PTPRT: variants seen among roughly 807,000 people sequenced by gnomAD.
PTPRT encodes the protein protein tyrosine phosphatase receptor type T, also known as receptor-type tyrosine-protein phosphatase T.
PTPRT carries 56 observed loss-of-function variants against 176.8 expected under a neutral mutation model. The observed-to-expected ratio is 0.32, with a 90% CI of 0.26 to 0.40. The LOEUF is 0.40. Among genes scored for constraint, PTPRT ranks in the 10% least tolerant of loss-of-function variants. PTPRT has a pLI of 1.00. For synonymous variants in PTPRT, 783 were observed against 739.0 expected (o/e 1.06, Z -0.96); for missense variants, 1,540 against 1,908.2 (o/e 0.81, Z 3.60).
chr20:42,671,148 G>C (rs1298863189), intron 7 of PTPRT, among the ~76,000 whole-genome samples: 3 of 152,096 alleles, frequency 2.0e-5, no homozygotes, highest in African/African-American at 7.2e-5. Context: ...ACTGACCTCG[G>C]CATCCACTGC....
intron 1 of PTPRT, among the ~76,000 whole-genome samples, chr20:42,990,326 T>A (rs558264550): frequency 1.4e-4 from 22 of 152,320 alleles, no homozygotes; most frequent in African/African-American, 5.3e-4. Flanking sequence ...AGATACTGCA[T>A]TGAGGATTTG....
chr20:42,212,493 C>T (rs1274364998), intron 15 of PTPRT, among the ~76,000 whole-genome samples: 1 of 150,062 alleles, frequency 6.7e-6, no homozygotes, highest in Non-Finnish European at 1.5e-5. Context: ...GGAGAATGCA[C>T]TGTTTTCCCT....
At chr20:43,181,428 C>T (rs549956346) in intron 1 of PTPRT, among the ~76,000 whole-genome samples, 10 of 152,210 alleles carry the variant, frequency 6.6e-5, no homozygotes, top group Admixed American at 2.6e-4. Flanking sequence ...CATGGACAGC[C>T]GGGACCTGAC....
chr20:42,189,959 T>G (rs1484485938), intron 16 of PTPRT, among the ~76,000 whole-genome samples: 1 of 152,238 alleles, frequency 6.6e-6, no homozygotes, highest in Non-Finnish European at 1.5e-5. Flanking sequence ...TTCTCAAGGC[T>G]GCCTAAATTT....
chr20:42,881,527 C>A (rs2079009404), intron 2 of PTPRT, among the ~76,000 whole-genome samples: 1 of 151,934 alleles, frequency 6.6e-6, no homozygotes, highest in Non-Finnish European at 1.5e-5. Context: ...GAGGTCGAGA[C>A]CAGCCTGGTC....
chr20:42,885,756 G>A lies in PTPRT; in HGVS notation c.214+51C>T, dbSNP rs200512424. ...GTAAGTTCTTCCCCCCATGATTCAC[G>A]GTAAAAACTAGCCATCCCCATTACA... On this transcript the variant is annotated intron_variant, in intron 2 of 30. Transcript: ENST00000373187. 8.3e-4 allele frequency: 1,301 copies of A among 1,568,264 alleles called. 2 individuals are homozygous for A. The highest frequency in any genetic ancestry group is 1.4e-3 in the South Asian group (124 of 88,954).
At chr20:42,415,424 C>T (rs2059057221) in intron 9 of PTPRT, among the ~76,000 whole-genome samples, 1 of 152,080 alleles carries the variant, frequency 6.6e-6, no homozygotes, top group South Asian at 2.1e-4. Context: ...ACTGCCCAGG[C>T]TGCTTTTGAA....
intron 3 of PTPRT, among the ~76,000 whole-genome samples, chr20:42,790,890 C>T (rs2077364851): frequency 6.6e-6 from 1 of 152,176 alleles, no homozygotes; most frequent in Non-Finnish European, 1.5e-5. Flanking sequence ...CCTCCCTCAT[C>T]ATGTCATAAG....
the PTPRT span, among the ~76,000 whole-genome samples, chr20:42,037,715 G>C: frequency 2.0e-5 from 3 of 152,178 alleles, no homozygotes; most frequent in Non-Finnish European, 4.4e-5. Flanking sequence ...CGGTGGTTGA[G>C]ATGGCTAAAC....
At position 42,780,303 on chromosome 20, in the gene PTPRT, C is replaced by T. The variant is rs1390460400; in HGVS notation, c.487-4G>A. On this transcript the variant is annotated splice_polypyrimidine_tract_variant and splice_region_variant and intron_variant, in intron 3 of 30. Transcript: ENST00000373187. ...ATGAGACGGATTCAAATATCACCTG[C>T]AACACACAGGGCGGGAGTCAATTTC... 7 of 1,612,432 alleles carry T rather than the reference C, an allele frequency of 4.3e-6. No individual in the cohort carries two copies. Among genetic ancestry groups the T allele is most frequent in the Non-Finnish European group, 5.1e-6 (6 of 1,178,650 alleles).
intron 7 of PTPRT, among the ~76,000 whole-genome samples, chr20:42,595,260 C>T (rs1412479111): frequency 6.6e-6 from 1 of 152,046 alleles, no homozygotes; most frequent in Non-Finnish European, 1.5e-5. Flanking sequence ...CCTCTTGTGC[C>T]TACTAAACCA....
At position 42,315,763 on chromosome 20, in the gene PTPRT, C is replaced by G; in HGVS notation, c.2099G>C (p.Ser700Thr). 6.2e-7 allele frequency: 1 copy of G among 1,614,112 alleles called. No homozygotes were observed. Among genetic ancestry groups the G allele is most frequent in the Non-Finnish European group, 8.5e-7 (1 of 1,180,002 alleles). ...GAGTGCCTGGAAGTAGATGCTGTAG[C>G]TTTTCAGGGGAGAGAGAGGAGGGTT... ...YWNPPLSPLKSYSIYFQALSK... is the reference protein window; with the variant it reads ...YWNPPLSPLKTYSIYFQALSK... The change falls in exon 12 of 31, where the codon AGC (serine) becomes ACC (threonine). Residue 700 changes from serine to threonine, a missense_variant. Ser to Thr is a moderately conservative substitution (Grantham distance 58). This residue lies in a region of PTPRT where 255 missense variants were observed against 250.1 expected (regional missense o/e 1.02). Transcript: ENST00000373187.
At chr20:42,884,662 T>C (rs2079075080) in intron 2 of PTPRT, among the ~76,000 whole-genome samples, 1 of 152,110 alleles carries the variant, frequency 6.6e-6, no homozygotes, top group South Asian at 2.1e-4. Flanking sequence ...GAACTCTTAA[T>C]ACTCCATGGC....
Position 42,807,885 on chromosome 20 carries a change from G to C in PTPRT, c.215-16419C>G, listed in dbSNP as rs536119713. 3.3e-3 allele frequency among the ~76,000 whole-genome samples: 496 copies of C among 152,290 alleles called. 2 individuals are homozygous for C. The highest frequency in any genetic ancestry group is 0.018 in the South Asian group (85 of 4,824). ...AATATTTTATTCTTGAAGACATCTT[G>C]CTCTAAATGGGTATGGTGCATCTGG... On this transcript the variant is annotated intron_variant, in intron 2 of 30. Transcript: ENST00000373187.
chr20:42,567,150 G>A (rs913701385), intron 7 of PTPRT, among the ~76,000 whole-genome samples: 2 of 152,000 alleles, frequency 1.3e-5, no homozygotes, highest in Admixed American at 1.3e-4. Flanking sequence ...GCAGGTGCCT[G>A]TAATCCCAGC....
At chr20:42,258,853 A>C (rs747031659) in intron 13 of PTPRT, among the ~76,000 whole-genome samples, 1 of 152,218 alleles carries the variant, frequency 6.6e-6, no homozygotes, top group Non-Finnish European at 1.5e-5. Context: ...GGGTTTTCAA[A>C]GATAGCTCTA....
Position 43,189,095 on chromosome 20 carries a change from G to T in PTPRT, c.88+551C>A, listed in dbSNP as rs879598307. Among the ~76,000 whole-genome samples, 1 of 152,158 alleles carries T rather than the reference G, an allele frequency of 6.6e-6. No individual in the cohort carries two copies. Among genetic ancestry groups the T allele is most frequent in the Admixed American group, 6.5e-5 (1 of 15,276 alleles). ...GGTCATCAACGCAAACATCCCCTCGGGTGCCTACAGCGGCCTGCTTAGGGG... is the reference window on the plus strand; with the variant it reads ...GGTCATCAACGCAAACATCCCCTCGTGTGCCTACAGCGGCCTGCTTAGGGG... On this transcript the variant is annotated intron_variant, in intron 1 of 30. Transcript: ENST00000373187. The surrounding 1 kb of genome is among the most constrained non-coding windows in gnomAD (Gnocchi z 5.0).
At chr20:43,050,383 G>A (rs1695650028) in intron 1 of PTPRT, among the ~76,000 whole-genome samples, 3 of 152,212 alleles carry the variant, frequency 2.0e-5, no homozygotes, top group African/African-American at 4.8e-5. Flanking sequence ...AAGGACAAAG[G>A]TCTGGCCAGC....
At chr20:42,248,329 C>A (rs1414635408) in intron 14 of PTPRT, among the ~76,000 whole-genome samples, 1 of 152,178 alleles carries the variant, frequency 6.6e-6, no homozygotes, top group East Asian at 1.9e-4. Context: ...TGGACTGATC[C>A]ATGTTCCTGG....
Sources: allele counts gnomAD v4.1 joint callset (sites outside exome capture counted in the v4.1 genomes callset), GRCh38; gene constraint gnomAD v4.1.1; regional missense constraint gnomAD v4.1.1; non-coding constraint Gnocchi (gnomAD v3.1); transcripts MANE v1.5; gene names NCBI Gene and HGNC (gene_info 2026-07-23, HGNC 2026-07-21).